Variants in COL18A1 observed in about 807,000 individuals in gnomAD.
COL18A1 encodes collagen type XVIII alpha 1 chain, also known as collagen alpha-1(XVIII) chain.
Under a neutral mutation model 168.0 loss-of-function variants are expected in COL18A1, and 133 were observed. That is an observed-to-expected ratio of 0.79 (90% CI 0.69 to 0.91). The LOEUF (loss-of-function observed/expected upper bound fraction) is 0.91. Among genes scored for constraint, COL18A1 ranks in the 40% least tolerant of loss-of-function variants. COL18A1 has a pLI of 0.00. For synonymous variants in COL18A1, 949 were observed against 809.0 expected (o/e 1.17, Z -2.94); for missense variants, 2,126 against 1,925.4 (o/e 1.10, Z -1.95).
chr21:45,479,536 C>CTCACACA (rs983788163), intron 9 of COL18A1, among the ~76,000 whole-genome samples: 1 of 151,090 alleles, frequency 6.6e-6, no homozygotes, highest in Non-Finnish European at 1.5e-5. Context: ...TACATGCACA[C>CTCACACA]TCACACATCA....
At chr21:45,493,645 G>T in intron 26 of COL18A1, 70 bp downstream of exon 26, 1 of 1,180,006 alleles carries the variant, frequency 8.5e-7, no homozygotes. Context: ...CCTGGGGAGG[G>T]TCTTCCTGAG....
intron 9 of COL18A1, among the ~76,000 whole-genome samples, chr21:45,478,988 A>G (rs1216871867): frequency 2.6e-5 from 4 of 152,212 alleles, no homozygotes; most frequent in Non-Finnish European, 4.4e-5. Context: ...CCCCACAGCC[A>G]AGCTGCCTGC....
Position 45,493,202 on chromosome 21 carries a change from G to T in COL18A1, c.2254G>T (p.Glu752Ter), listed in dbSNP as rs370009347. The change falls in exon 25 of 42, where the codon GAA becomes TAA. Residue 752 changes from glutamate (E) to a stop codon, truncating the protein, a stop_gained. Coordinates refer to ENST00000651438, the MANE Select transcript of COL18A1 (RefSeq NM_001379500.1). LOFTEE classifies it high-confidence loss of function. ...GPKGNLGSKG[E>*]RGSPGPKGEK... ...CAAGGGCAACCTGGGCTCTAAGGGC[G>T]AACGAGGCTCCCCGGGACCCAAGGT... 1 of 1,562,742 alleles carries T rather than the reference G, an allele frequency of 6.4e-7. No homozygotes were observed. The highest frequency in any genetic ancestry group is 1.4e-5 in the African/African-American group (1 of 73,836).
intron 32 of COL18A1, among the ~76,000 whole-genome samples, chr21:45,499,973 A>G (rs1033071321): frequency 1.3e-5 from 2 of 152,198 alleles, no homozygotes; most frequent in Non-Finnish European, 2.9e-5. Flanking sequence ...AAGGACAGAC[A>G]TTGTCAATGG....
In COL18A1 at chr21:45,505,787, G is replaced by C. The variant is rs1568943842; in HGVS notation, c.3088-51G>C. The stretch of plus-strand genomic sequence containing the variant: ...ACGGGCATTCCTTCCTTCCGCCCCT[G>C]CCCCCCGCCCTCCCCGCCAAGCCCC... On this transcript the variant is annotated intron_variant, in intron 36 of 41. Coordinates refer to ENST00000651438, the MANE Select transcript of COL18A1 (RefSeq NM_001379500.1). 6 of 1,247,970 alleles carry C rather than the reference G, an allele frequency of 4.8e-6. No homozygotes were observed. The Admixed American group carries it at 8.1e-5, about 17-fold the overall frequency. The allele number at this position is 1,247,970 out of a possible 1,614,324, so 77.3% of individuals were successfully genotyped here.
chr21:45,453,773 T>C (rs536209689), intron 2 of COL18A1, among the ~76,000 whole-genome samples: 1 of 152,264 alleles, frequency 6.6e-6, no homozygotes, highest in Non-Finnish European at 1.5e-5. Flanking sequence ...GCCACCATCC[T>C]CCAAGTGTGG....
chr21:45,446,155 C>T (rs530812088), intron 2 of COL18A1, among the ~76,000 whole-genome samples: 2 of 152,272 alleles, frequency 1.3e-5, no homozygotes, highest in East Asian at 3.9e-4. Context: ...TGTATCTGTT[C>T]GTTGGCCCAG....
chr21:45,432,767 G>C (rs1176943524), intron 2 of COL18A1, among the ~76,000 whole-genome samples: 1 of 152,240 alleles, frequency 6.6e-6, no homozygotes, highest in Non-Finnish European at 1.5e-5. Flanking sequence ...CTGTGGGTCA[G>C]GGTGGGACAT....
At chr21:45,416,114 C>T (rs1233746590) in intron 2 of COL18A1, among the ~76,000 whole-genome samples, 1 of 152,244 alleles carries the variant, frequency 6.6e-6, no homozygotes, top group East Asian at 1.9e-4. Context: ...CCGGCCCTTC[C>T]TGTGGGGCCC....
chr21:45,455,500 C>T (rs374229287), intron 2 of COL18A1: 108 of 1,609,552 alleles, frequency 6.7e-5, no homozygotes, highest in East Asian at 2.5e-4. Context: ...GAGGCCCTCC[C>T]GCCGCCCGCA....
intron 38 of COL18A1, 33 bp from the exon 39 acceptor site, chr21:45,509,323 C>A: frequency 1.3e-6 from 2 of 1,538,914 alleles, no homozygotes; most frequent in Non-Finnish European, 1.7e-6. Context: ...GGAGGGTCCC[C>A]CCGCCGACAG....
chr21:45,413,681 A>G (rs190911071), intron 2 of COL18A1, among the ~76,000 whole-genome samples: 367 of 152,334 alleles, frequency 2.4e-3, no homozygotes, highest in African/African-American at 8.4e-3. Context: ...GATCCCGTCC[A>G]CGCTAACCTT....
intron 2 of COL18A1, among the ~76,000 whole-genome samples, chr21:45,450,156 C>T (rs1263894960): frequency 6.6e-6 from 1 of 152,174 alleles, no homozygotes; most frequent in African/African-American, 2.4e-5. Context: ...CTGCCTGGGC[C>T]TGTCCTTGGA....
At chr21:45,475,925 G>A (rs916733525) in intron 5 of COL18A1, among the ~76,000 whole-genome samples, 1 of 152,262 alleles carries the variant, frequency 6.6e-6, no homozygotes, top group East Asian at 1.9e-4. Flanking sequence ...CAGGGAGCGC[G>A]CGGAAGGCTT....
At chr21:45,474,783 C>T (rs1204229868) in intron 4 of COL18A1, among the ~76,000 whole-genome samples, 4 of 152,336 alleles carry the variant, frequency 2.6e-5, no homozygotes, top group Admixed American at 6.5e-5. Flanking sequence ...CTCCTGGGGG[C>T]GTGGGCAGGA....
At position 45,468,634 on chromosome 21, in the gene COL18A1, C is replaced by G; in HGVS notation, c.499C>G (p.Leu167Val). The change falls in exon 3 of 42, where the codon CTC becomes GTC. Residue 167 changes from leucine to valine, a missense_variant. Transcript: ENST00000651438. ...AFVGQWTHLA[L>V]SVAGGFVALY... ...CGTCGGCCAGTGGACACACTTAGCC[C>G]TCAGTGTGGCAGGTGGCTTTGTGGC... 1 of 1,614,066 alleles carries G rather than the reference C, an allele frequency of 6.2e-7. No homozygotes were observed. The highest frequency in any genetic ancestry group is 1.1e-5 in the South Asian group (1 of 91,092).
chr21:45,409,035 T>TGCCTGTGGCTGAGCACAGCCCCCA (rs1555967385), intron 2 of COL18A1, among the ~76,000 whole-genome samples: 13 of 25,324 alleles, frequency 5.1e-4, no homozygotes, highest in African/African-American at 2.8e-3. Context: ...GGGACAAAGC[T>TGCCTGTGGCTGAGCACAGCCCCCA]GGCTGTGGCT....
chr21:45,455,874 T>G, intron 2 of COL18A1: 1 of 1,613,068 alleles, frequency 6.2e-7, no homozygotes, highest in Non-Finnish European at 8.5e-7. Context: ...GCCGAGATCC[T>G]GAACGTGGCC....
chr21:45,442,022 G>A (rs1057198740), intron 2 of COL18A1, among the ~76,000 whole-genome samples: 8 of 152,218 alleles, frequency 5.3e-5, no homozygotes, highest in Non-Finnish European at 8.8e-5. Flanking sequence ...CAGTCACTGT[G>A]TGGGGTTCAG....
Sources: allele counts gnomAD v4.1 joint callset (sites outside exome capture counted in the v4.1 genomes callset), GRCh38; gene constraint gnomAD v4.1.1; transcripts MANE v1.5; gene names NCBI Gene and HGNC (gene_info 2026-07-23, HGNC 2026-07-21).